Variants in KAZN observed in about 807,000 individuals in gnomAD.
KAZN encodes kazrin.
Under a neutral mutation model 87.4 loss-of-function variants are expected in KAZN, and 40 were observed. The observed-to-expected ratio is 0.46, with a 90% CI of 0.36 to 0.60. The LOEUF (loss-of-function observed/expected upper bound fraction) is 0.60. Ranked by LOEUF, KAZN falls within the 20% of genes least tolerant of loss-of-function variation. The pLI is 0.00. For missense variants in KAZN, 898 were observed against 1,073.9 expected (o/e 0.84, Z 2.29); for synonymous variants, 466 against 458.3 (o/e 1.02, Z -0.22).
chr1:15,050,975 C>G (rs962102138), intron 4 of KAZN, among the ~76,000 whole-genome samples: 17 of 152,200 alleles, frequency 1.1e-4, no homozygotes, highest in African/African-American at 4.1e-4. Context: ...GCCGGCTTCC[C>G]CCCAAGGAGA....
rs1670623549 is a variant in KAZN, at chr1:15,021,115, GCCTGAGTTC to G, written c.419-13631_419-13623del. Among the ~76,000 whole-genome samples the G allele has an allele frequency of 6.6e-6, 1 of 152,150 alleles. No individual in the cohort carries two copies. Among genetic ancestry groups the G allele is most frequent in the African/African-American group, 2.4e-5 (1 of 41,442 alleles). ...TAGGACACCAAAACCCAGAGAGGGT[GCCTGAGTTC>G]CCAAGGCCACACAGCATGCGGGTTT... On this transcript the variant is annotated intron_variant, in intron 2 of 14. Coordinates refer to ENST00000376030, the MANE Select transcript of KAZN (RefSeq NM_201628.3). This position sits in a 1 kb window ranked among gnomAD's most constrained non-coding sequence, Gnocchi z 4.2.
intron 2 of KAZN, among the ~76,000 whole-genome samples, chr1:14,544,350 C>CTTTTTTTTTTTTTTTTT (rs374148415): frequency 1.4e-3 from 135 of 98,126 alleles, no homozygotes; most frequent in African/African-American, 1.7e-3. Flanking sequence ...TTCTTTCTTT[C>CTTTTTTTTTTTTTTTTT]TTTTTTTTTT....
intron 2 of KAZN, among the ~76,000 whole-genome samples, chr1:14,323,887 A>G (rs1388892698): frequency 1.3e-5 from 2 of 151,930 alleles, no homozygotes; most frequent in African/African-American, 2.4e-5. Context: ...GACTTTATGG[A>G]CTCTTACTTA....
Position 14,014,424 on chromosome 1 carries a change from A to G in KAZN, c.91+120668A>G, listed in dbSNP as rs565819067. Among the ~76,000 whole-genome samples the G allele has an allele frequency of 8.8e-4, 134 of 152,198 alleles. 1 individual carries two copies. In the South Asian group the frequency reaches 0.027, roughly 31 times the overall value. On this transcript the variant is annotated intron_variant, in intron 1 of 16. Coordinates refer to the KAZN transcript ENST00000636203. ...TGTCCCAGGGCCCTGGTTAAGAAGG[A>G]GAGGATGCCTGGATACTTAGCTCTT... is the stretch of plus-strand genomic sequence containing the variant.
At chr1:13,993,780 A>G (rs1639389505) in intron 1 of KAZN, among the ~76,000 whole-genome samples, 1 of 152,174 alleles carries the variant, frequency 6.6e-6, no homozygotes, top group Admixed American at 6.5e-5. Context: ...AGTGACTGTG[A>G]GGGTCAGGGG....
chr1:14,781,481 T>A (rs1448319984), intron 1 of KAZN, among the ~76,000 whole-genome samples: 1 of 152,220 alleles, frequency 6.6e-6, no homozygotes, highest in African/African-American at 2.4e-5. Context: ...TTTACAACTC[T>A]AAACATGCGT....
intron 2 of KAZN, among the ~76,000 whole-genome samples, chr1:14,587,447 GAAA>G (rs59612903): frequency 7.8e-6 from 1 of 127,956 alleles, no homozygotes. Context: ...AAAAAAAAAA[GAAA>G]AAAAAAAAAA....
intron 1 of KAZN, among the ~76,000 whole-genome samples, chr1:14,072,426 C>T (rs1643283499): frequency 6.6e-6 from 1 of 152,120 alleles, no homozygotes; most frequent in African/African-American, 2.4e-5. Context: ...GTAATGACTC[C>T]ATGTTGGCTG....
At chr1:14,717,850 C>T (rs868538068) in intron 1 of KAZN, among the ~76,000 whole-genome samples, 2 of 152,192 alleles carry the variant, frequency 1.3e-5, no homozygotes, top group Admixed American at 6.5e-5. Context: ...AATGTGGATG[C>T]GCTTCCACTG....
chr1:14,959,161 A>C (rs2101761577), intron 1 of KAZN, among the ~76,000 whole-genome samples: 1 of 152,320 alleles, frequency 6.6e-6, no homozygotes, highest in African/African-American at 2.4e-5. Context: ...AGTGATGGAC[A>C]CAGACAGCCC....
At position 14,727,450 on chromosome 1, in the gene KAZN, CTTTTTTTTTTTTTTTTTTTTTTTTTT is replaced by C. The variant is rs57203868; in HGVS notation, c.226+128248_226+128273del. On this transcript the variant is annotated intron_variant, in intron 1 of 14. Transcript: ENST00000376030. ...GTCCATCACATTTATTGTGCACTTT[CTTTTTTTTTTTTTTTTTTTTTTTTTT>C]TTTTTTTTTTTTTTTTTTTTGAGAA... 2.0e-3 allele frequency among the ~76,000 whole-genome samples: 149 copies of C among 73,916 alleles called. 2 individuals are homozygous for C. The highest frequency in any genetic ancestry group is 0.015 in the Middle Eastern group (2 of 134). The allele number at this position is 73,916 out of a possible 152,430, so 48.5% of individuals were successfully genotyped here.
intron 1 of KAZN, among the ~76,000 whole-genome samples, chr1:14,100,766 CAG>C (rs1219604380): frequency 2.6e-5 from 4 of 152,206 alleles, no homozygotes; most frequent in Non-Finnish European, 4.4e-5. Flanking sequence ...CCAGTCTTAT[CAG>C]TGTGATATTG....
rs570159150 is a variant in KAZN at position 14,046,180 on chromosome 1, C to A, written c.92-134255C>A. ...CACCTAATGATGACTGAAGCAACAGCATCTGTTGCAGATTCACTGAGAATC... is the reference window on the plus strand; with the variant it reads ...CACCTAATGATGACTGAAGCAACAGAATCTGTTGCAGATTCACTGAGAATC... On this transcript the variant is annotated intron_variant, in intron 1 of 16. Coordinates refer to the KAZN transcript ENST00000636203. 3.3e-5 allele frequency among the ~76,000 whole-genome samples: 5 copies of A among 152,296 alleles called. No homozygotes were observed. The South Asian group carries it at 1.0e-3, about 32-fold the overall frequency.
chr1:14,853,207 A>G (rs1380497228), intron 1 of KAZN, among the ~76,000 whole-genome samples: 2 of 152,056 alleles, frequency 1.3e-5, no homozygotes, highest in African/African-American at 4.8e-5. Context: ...GGTTGCAGGG[A>G]TGGTTAGAGG....
chr1:15,073,492 A>G (rs1175729260), intron 8 of KAZN, among the ~76,000 whole-genome samples: 2 of 152,078 alleles, frequency 1.3e-5, no homozygotes, highest in African/African-American at 4.8e-5. Context: ...TCCCCCCAGT[A>G]AGGGAGGAAA....
chr1:14,825,924 C>G (rs1338415625), intron 1 of KAZN, among the ~76,000 whole-genome samples: 2 of 152,222 alleles, frequency 1.3e-5, no homozygotes, highest in Non-Finnish European at 2.9e-5. Flanking sequence ...ATCTCCAGCA[C>G]TTAACCCAAG....
chr1:14,039,650 G>A (rs1300584453), intron 1 of KAZN, among the ~76,000 whole-genome samples: 1 of 152,190 alleles, frequency 6.6e-6, no homozygotes, highest in Non-Finnish European at 1.5e-5. Flanking sequence ...AATCGCTGCT[G>A]CCTGAGCATT....
intron 2 of KAZN, among the ~76,000 whole-genome samples, chr1:14,239,406 G>A (rs1454814267): frequency 1.3e-5 from 2 of 150,520 alleles, no homozygotes; most frequent in East Asian, 3.9e-4. Context: ...AAGAGTTTGA[G>A]CTGACTTTTG....
At chr1:14,938,466 C>T (rs769178043) in intron 1 of KAZN, among the ~76,000 whole-genome samples, 3 of 151,008 alleles carry the variant, frequency 2.0e-5, no homozygotes, top group Non-Finnish European at 4.4e-5. Flanking sequence ...CACTGGAACC[C>T]GGGAGACAGA....
Sources: allele counts gnomAD v4.1 joint callset (sites outside exome capture counted in the v4.1 genomes callset), GRCh38; gene constraint gnomAD v4.1.1; non-coding constraint Gnocchi (gnomAD v3.1); transcripts MANE v1.5; gene names NCBI Gene and HGNC (gene_info 2026-07-23, HGNC 2026-07-21).